Variants in GUCY1A2 observed in about 807,000 individuals in gnomAD.
The protein encoded by GUCY1A2 is guanylate cyclase 1 soluble subunit alpha 2.
A neutral mutation model predicts 63.5 loss-of-function variants in GUCY1A2; 27 were observed. That is an observed-to-expected ratio of 0.43 (90% CI 0.31 to 0.59). The LOEUF (loss-of-function observed/expected upper bound fraction) is 0.59. GUCY1A2 is among the 20% of genes least tolerant of loss of function. The pLI, the probability that GUCY1A2 is intolerant of heterozygous loss-of-function variation, is 0.11. For synonymous variants in GUCY1A2, 364 were observed against 343.5 expected, an observed-to-expected ratio of 1.06 and a Z score of -0.66; for missense variants, 768 against 913.3, an observed-to-expected ratio of 0.84 and a Z score of 2.05.
intron 5 of GUCY1A2, among the ~76,000 whole-genome samples, chr11:106,789,072 A>G (rs908440610): frequency 6.6e-6 from 1 of 152,178 alleles, no homozygotes; most frequent in African/African-American, 2.4e-5. Context: ...TCTTCAAAAC[A>G]TGAAATATAT....
intron 3 of GUCY1A2, among the ~76,000 whole-genome samples, chr11:106,961,244 A>C (rs7936117): frequency 0.28 from 42,257 of 151,548 alleles, 6,225 homozygotes; most frequent in African/African-American, 0.38. Flanking sequence ...TCCACTTCTT[A>C]GAGAACGAAG....
At chr11:106,818,179 G>A (rs1366307456) in intron 4 of GUCY1A2, among the ~76,000 whole-genome samples, 1 of 152,046 alleles carries the variant, frequency 6.6e-6, no homozygotes, top group Non-Finnish European at 1.5e-5. Context: ...ATTGCCCTTT[G>A]CAGATATTGC....
At position 106,962,862 on chromosome 11, in the gene GUCY1A2, A is replaced by G. The variant is rs538771929; in HGVS notation, c.487+15757T>C. The stretch of plus-strand genomic sequence containing the variant: ...TGAAACTGATCTTTTGTCTATTCCA[A>G]CAAAAAGGGAAATGAATATCCATCA... On this transcript the variant is annotated intron_variant, in intron 3 of 7. Transcript: ENST00000526355. Among the ~76,000 whole-genome samples the G allele has an allele frequency of 4.6e-5, 7 of 151,418 alleles. No individual in the cohort carries two copies. The South Asian group carries it at 1.0e-3, about 23-fold the overall frequency.
Position 106,960,863 on chromosome 11 carries a change from C to T in GUCY1A2, c.487+17756G>A, listed in dbSNP as rs187386409. The stretch of plus-strand genomic sequence containing the variant: ...AAGCACCAAGTCAACTAGATAACAA[C>T]AGACCAATTTTCTAATTATCTCACC... On this transcript the variant is annotated intron_variant, in intron 3 of 7. Transcript: ENST00000526355. Among the ~76,000 whole-genome samples, 580 of 152,120 alleles carry T rather than the reference C, an allele frequency of 3.8e-3. 1 individual carries two copies. The highest frequency in any genetic ancestry group is 0.024 in the Middle Eastern group (7 of 294).
At chr11:106,762,973 A>G (rs2135392916) in intron 6 of GUCY1A2, among the ~76,000 whole-genome samples, 1 of 152,202 alleles carries the variant, frequency 6.6e-6, no homozygotes. Context: ...TGTGAACCAA[A>G]TATATAAGTG....
chr11:106,769,237 A>C (rs1864214147), intron 6 of GUCY1A2, among the ~76,000 whole-genome samples: 1 of 152,210 alleles, frequency 6.6e-6, no homozygotes, highest in African/African-American at 2.4e-5. Flanking sequence ...CTGGAGACTG[A>C]CTTACCAGGA....
chr11:106,829,948 T>G (rs1859027708), intron 4 of GUCY1A2, among the ~76,000 whole-genome samples: 1 of 152,094 alleles, frequency 6.6e-6, no homozygotes, highest in Admixed American at 6.6e-5. Context: ...CCTGCTGAGG[T>G]GCTTGCTGAA....
Position 106,789,740 on chromosome 11 carries a change from T to C in GUCY1A2, c.1693-13158A>G, listed in dbSNP as rs1305426420. On this transcript the variant is annotated intron_variant, in intron 5 of 7. Coordinates refer to ENST00000526355, the MANE Select transcript of GUCY1A2 (RefSeq NM_000855.3). ...GGGGCACCCAAGCCCAGTAATGCTG[T>C]GGTTTTTACACACCCATAGAGGTAC... Among the ~76,000 whole-genome samples the C allele has an allele frequency of 2.8e-4, 43 of 152,210 alleles. 1 individual carries two copies. The highest frequency in any genetic ancestry group is 2.8e-3 in the Admixed American group (43 of 15,286).
chr11:106,950,593 G>A (rs111962974), intron 3 of GUCY1A2, among the ~76,000 whole-genome samples: 1 of 152,110 alleles, frequency 6.6e-6, no homozygotes, highest in South Asian at 2.1e-4. Flanking sequence ...TGAAGAAGGT[G>A]GGGGAGGGGA....
At chr11:106,963,986 T>C (rs1158613285) in intron 3 of GUCY1A2, among the ~76,000 whole-genome samples, 1 of 152,092 alleles carries the variant, frequency 6.6e-6, no homozygotes, top group Non-Finnish European at 1.5e-5. Flanking sequence ...TGTGAACAAT[T>C]TGTGCCATTT....
rs551858478 is a variant in GUCY1A2, at chr11:107,012,004, C to T, written c.303+5749G>A. Among the ~76,000 whole-genome samples, 200 of 152,158 alleles carry T rather than the reference C, an allele frequency of 1.3e-3. 1 individual carries two copies. The highest frequency in any genetic ancestry group is 4.7e-3 in the African/African-American group (195 of 41,534). On this transcript the variant is annotated intron_variant, in intron 1 of 7. Transcript: ENST00000526355. ...AACTTCTCTTTCACCTACAATTTTTCTAATTTAAAATTAACTTGTCATGAA... is the reference window on the plus strand; with the variant it reads ...AACTTCTCTTTCACCTACAATTTTTTTAATTTAAAATTAACTTGTCATGAA...
intron 3 of GUCY1A2, among the ~76,000 whole-genome samples, chr11:106,941,937 CTTA>C (rs1860756934): frequency 6.6e-6 from 1 of 152,142 alleles, no homozygotes; most frequent in Non-Finnish European, 1.5e-5. Context: ...GAGAAAGTCA[CTTA>C]TTAAGATAAA....
intron 6 of GUCY1A2, among the ~76,000 whole-genome samples, chr11:106,765,411 G>A (rs1390404053): frequency 6.6e-6 from 1 of 152,090 alleles, no homozygotes; most frequent in East Asian, 1.9e-4. Flanking sequence ...CACCAAGTTA[G>A]TAATTTCTAG....
chr11:106,961,862 T>G (rs146146660), intron 3 of GUCY1A2, among the ~76,000 whole-genome samples: 139 of 152,322 alleles, frequency 9.1e-4, no homozygotes, highest in African/African-American at 3.3e-3. Context: ...TTCAGCCTTG[T>G]GACTATGGTA....
intron 5 of GUCY1A2, among the ~76,000 whole-genome samples, chr11:106,791,903 C>A (rs901675450): frequency 2.0e-5 from 3 of 152,044 alleles, no homozygotes; most frequent in Non-Finnish European, 4.4e-5. Flanking sequence ...CCTACTAAAA[C>A]TATTCCAAAA....
rs902050878 is a variant in GUCY1A2, at chr11:106,685,345, A to T, written c.*2204T>A. ...ATCACTAGTATTGAGGTGGATTTCC[A>T]ATGATGCTTTTCAAATATGCTTCCC... On this transcript the variant is annotated 3_prime_UTR_variant, in exon 8 of 8. Transcript: ENST00000526355. The T allele has an allele frequency of 4.7e-6, 1 of 211,756 alleles. No homozygotes were observed. Among genetic ancestry groups the T allele is most frequent in the East Asian group, 7.1e-5 (1 of 13,994 alleles). 13.1% of individuals were successfully genotyped at this position (211,756 alleles called of 1,614,324 possible).
rs1226584717 is a variant in GUCY1A2, at chr11:106,908,346, CAT to C, written c.1206+31112_1206+31113del. Among the ~76,000 whole-genome samples, 18 of 151,798 alleles carry C rather than the reference CAT, an allele frequency of 1.2e-4. 1 individual carries two copies. Among genetic ancestry groups the C allele is most frequent in the East Asian group, 1.9e-4 (1 of 5,160 alleles). On this transcript the variant is annotated intron_variant, in intron 4 of 7. Transcript: ENST00000526355. ...TGAATATTCTGAAGAACTCAACAAA[CAT>C]ATGAAATTTATGTAGAATAGAGATC...
intron 4 of GUCY1A2, among the ~76,000 whole-genome samples, chr11:106,902,233 T>C (rs542144442): frequency 6.6e-6 from 1 of 152,314 alleles, no homozygotes; most frequent in African/African-American, 2.4e-5. Flanking sequence ...TACTGAGCGG[T>C]AAGTCTTAAA....
intron 1 of GUCY1A2, among the ~76,000 whole-genome samples, chr11:107,017,136 A>T (rs1309319161): frequency 1.3e-5 from 2 of 152,240 alleles, no homozygotes; most frequent in East Asian, 3.8e-4. Context: ...CTACGGGGTG[A>T]GGACAACTCG....
Sources: allele counts gnomAD v4.1 joint callset (sites outside exome capture counted in the v4.1 genomes callset), GRCh38; gene constraint gnomAD v4.1.1; transcripts MANE v1.5; gene names NCBI Gene and HGNC (gene_info 2026-07-23, HGNC 2026-07-21).